The following ABLIM2 variants were observed in gnomAD, a reference collection of about 807,000 sequenced individuals.
The protein encoded by ABLIM2 is actin binding LIM protein family member 2.
Under a neutral mutation model 97.7 loss-of-function variants are expected in ABLIM2, and 53 were observed. The observed-to-expected ratio is 0.54, with a 90% CI of 0.44 to 0.68. The LOEUF (loss-of-function observed/expected upper bound fraction) is 0.68, where lower values mean the gene tolerates loss of function less well. Ranked by LOEUF, ABLIM2 falls within the 30% of genes least tolerant of loss-of-function variation. The pLI is 0.00. For synonymous variants in ABLIM2, 361 were observed against 345.8 expected (o/e 1.04, Z -0.49); for missense variants, 835 against 867.2 (o/e 0.96, Z 0.47).
At chr4:7,974,748 C>T (rs1731594250) in intron 20 of ABLIM2, among the ~76,000 whole-genome samples, 1 of 152,074 alleles carries the variant, frequency 6.6e-6, no homozygotes, top group African/African-American at 2.4e-5. Context: ...CATGCATCCA[C>T]TCATCCATCT....
chr4:7,984,212 G>A (rs1282585205), intron 18 of ABLIM2, among the ~76,000 whole-genome samples: 1 of 152,224 alleles, frequency 6.6e-6, no homozygotes, highest in African/African-American at 2.4e-5. Context: ...CACTTGCCCC[G>A]TGTGGTTCTG....
chr4:8,057,319 C>T (rs960031424), intron 7 of ABLIM2, among the ~76,000 whole-genome samples: 3 of 152,144 alleles, frequency 2.0e-5, no homozygotes, highest in Admixed American at 1.3e-4. Flanking sequence ...CTTCCGACTT[C>T]GGGTGATCCA....
At chr4:8,092,767 G>T (rs1183722901) in intron 3 of ABLIM2, among the ~76,000 whole-genome samples, 2 of 152,256 alleles carry the variant, frequency 1.3e-5, no homozygotes, top group African/African-American at 4.8e-5. Context: ...CCTCAACCTT[G>T]GCTAAATAAA....
chr4:7,985,017 T>C (rs1191690872), intron 17 of ABLIM2, 124 bp from the exon 18 acceptor site: 1 of 961,262 alleles, frequency 1.0e-6, no homozygotes, highest in African/African-American at 1.6e-5. Flanking sequence ...GAGTAGGGTG[T>C]CCTTAGCACA....
Position 8,002,143 on chromosome 4 carries a change from C to A in ABLIM2, c.1618+5916G>T, listed in dbSNP as rs1184810058. Among the ~76,000 whole-genome samples the A allele has an allele frequency of 2.0e-5, 3 of 152,182 alleles. No individual in the cohort carries two copies. Among genetic ancestry groups the A allele is most frequent in the Admixed American group, 1.3e-4 (2 of 15,286 alleles). On this transcript the variant is annotated intron_variant, in intron 16 of 20. Coordinates refer to ENST00000447017, the MANE Select transcript of ABLIM2 (RefSeq NM_001130083.2). This position sits in a 1 kb window ranked among gnomAD's most constrained non-coding sequence, Gnocchi z 6.1. ...CCAACTCCCACGGTTCCAGTCCCAT[C>A]TGGGAGCCGGGGACCCTCAGTCTCT...
intron 10 of ABLIM2, among the ~76,000 whole-genome samples, chr4:8,031,210 C>T (rs1780718791): frequency 6.6e-6 from 1 of 152,226 alleles, no homozygotes; most frequent in African/African-American, 2.4e-5. Context: ...GCAGGCTGTG[C>T]ATGGCTGTGC....
intron 14 of ABLIM2, among the ~76,000 whole-genome samples, chr4:8,013,484 A>C (rs1020626405): frequency 1.3e-5 from 2 of 152,140 alleles, no homozygotes; most frequent in African/African-American, 4.8e-5. Flanking sequence ...TCAGCCTCAC[A>C]AAGTGCTGGG....
chr4:8,077,511 G>T, intron 6 of ABLIM2, 117 bp downstream of exon 6: 1 of 1,029,766 alleles, frequency 9.7e-7, no homozygotes, highest in Middle Eastern at 2.8e-4. Flanking sequence ...GAATAGGGAG[G>T]TGAAGCTGCA....
intron 20 of ABLIM2, among the ~76,000 whole-genome samples, chr4:7,971,072 G>A (rs1481450271): frequency 6.6e-6 from 1 of 152,162 alleles, no homozygotes; most frequent in Non-Finnish European, 1.5e-5. Context: ...GGCTCCAGCT[G>A]TGGAATTCTG....
At chr4:8,105,753 G>A (rs573494881) in intron 2 of ABLIM2, among the ~76,000 whole-genome samples, 23 of 152,286 alleles carry the variant, frequency 1.5e-4, no homozygotes, top group African/African-American at 5.1e-4. Context: ...CAAACTCCTC[G>A]GGTCGACATC....
rs939641863 is a variant in ABLIM2, at chr4:8,001,827, T to C, written c.1618+6232A>G. ...CCCTGGCCCACTTCCTCTCCTGGCT[T>C]TCTCCCTCCTGGGCGCTCCTCCCCA... On this transcript the variant is annotated intron_variant, in intron 16 of 20. Coordinates refer to ENST00000447017, the MANE Select transcript of ABLIM2 (RefSeq NM_001130083.2). This position sits in a 1 kb window ranked among gnomAD's most constrained non-coding sequence, Gnocchi z 4.2. Among the ~76,000 whole-genome samples the C allele has an allele frequency of 1.3e-5, 2 of 152,108 alleles. No individual in the cohort carries two copies. Among genetic ancestry groups the C allele is most frequent in the African/African-American group, 4.8e-5 (2 of 41,428 alleles).
intron 20 of ABLIM2, among the ~76,000 whole-genome samples, chr4:7,967,901 T>C (rs972421952): frequency 6.6e-6 from 1 of 152,254 alleles, no homozygotes; most frequent in Admixed American, 6.5e-5. Context: ...CATGTGTTAG[T>C]ATGACCTCAG....
chr4:8,152,288 G>A (rs535772649), intron 1 of ABLIM2, among the ~76,000 whole-genome samples: 7 of 152,354 alleles, frequency 4.6e-5, no homozygotes, highest in East Asian at 1.9e-4. Flanking sequence ...CGGCTGAGTC[G>A]GGCACACTGG....
At chr4:8,145,543 C>A in intron 1 of ABLIM2, among the ~76,000 whole-genome samples, 1 of 152,032 alleles carries the variant, frequency 6.6e-6, no homozygotes, top group Non-Finnish European at 1.5e-5. Flanking sequence ...CTGGTGAGCG[C>A]CGGGGGTTCC....
Position 8,067,608 on chromosome 4 carries a change from C to A in ABLIM2, c.676-6554G>T, listed in dbSNP as rs987328876. The A allele has an allele frequency of 1.3e-5, 2 of 152,334 alleles. No homozygotes were observed. The highest frequency in any genetic ancestry group is 2.9e-5 in the Non-Finnish European group (2 of 68,104). The allele number at this position is 152,334 out of a possible 1,614,324, so 9.4% of individuals were successfully genotyped here. On this transcript the variant is annotated intron_variant, in intron 6 of 20. Coordinates refer to ENST00000447017, the MANE Select transcript of ABLIM2 (RefSeq NM_001130083.2). The surrounding 1 kb of genome is among the most constrained non-coding windows in gnomAD (Gnocchi z 5.4). ...TTTAAGGACGCTCCATGTTCTGGAA[C>A]AATCCACCCATGGTGGAGGGGCAGG...
rs190999160 is a variant in ABLIM2, at chr4:8,039,035, C to T, written c.901-2740G>A. Among the ~76,000 whole-genome samples the T allele has an allele frequency of 4.1e-4, 62 of 152,270 alleles. No individual in the cohort carries two copies. The South Asian group carries it at 0.012, about 30-fold the overall frequency. On this transcript the variant is annotated intron_variant, in intron 9 of 20. Transcript: ENST00000447017. The stretch of plus-strand genomic sequence containing the variant: ...CCCCTCCTCGAGGCTTCCTTCCCCA[C>T]ACCCCCGCAACAAGTTAGTGTTGAT...
intron 5 of ABLIM2, among the ~76,000 whole-genome samples, chr4:8,078,311 G>A (rs1211404728): frequency 2.0e-5 from 3 of 152,238 alleles, no homozygotes; most frequent in South Asian, 4.1e-4. Context: ...GAGCAGGAGG[G>A]CTGCACGTAT....
chr4:8,056,239 A>T (rs941843727), intron 7 of ABLIM2, among the ~76,000 whole-genome samples: 2 of 150,576 alleles, frequency 1.3e-5, no homozygotes, highest in African/African-American at 4.9e-5. Context: ...TGGCTGCCTT[A>T]TAGTACAGGT....
chr4:8,011,761 G>A (rs1368048934), intron 14 of ABLIM2, among the ~76,000 whole-genome samples: 3 of 152,212 alleles, frequency 2.0e-5, no homozygotes, highest in African/African-American at 4.8e-5. Flanking sequence ...ATTTGCCAGT[G>A]AGGAACCCTC....
Sources: gnomAD v4.1 joint callset for allele counts (sites outside exome capture counted in the v4.1 genomes callset) on GRCh38, gnomAD v4.1.1 for gene constraint, Gnocchi (gnomAD v3.1) non-coding constraint, MANE v1.5 for transcripts, NCBI Gene and HGNC (gene_info 2026-07-23, HGNC 2026-07-21) for gene names.